The following SPG11 variants were observed in gnomAD, a reference collection of about 807,000 sequenced individuals.
SPG11 encodes SPG11 vesicle trafficking associated, spatacsin, also known as spatacsin.
A neutral mutation model predicts 274.0 loss-of-function variants in SPG11; 222 were observed. That is an observed-to-expected ratio of 0.81 (90% CI 0.73 to 0.91). The LOEUF is 0.91. Ranked by LOEUF, SPG11 falls within the 40% of genes least tolerant of loss-of-function variation. The probability of loss-of-function intolerance (pLI) is 0.00; values close to 1 mark genes in which losing one functional copy is unlikely to be tolerated. For synonymous variants in SPG11, 1,144 were observed against 1,039.7 expected (o/e 1.10, Z -1.93); for missense variants, 3,114 against 2,872.7 (o/e 1.08, Z -1.92).
intron 20 of SPG11, among the ~76,000 whole-genome samples, chr15:44,603,421 C>G (rs532732560): frequency 1.1e-4 from 16 of 152,204 alleles, no homozygotes; most frequent in African/African-American, 3.9e-4. Flanking sequence ...ACATTTTTCC[C>G]TCTACACTAA....
chr15:44,630,467 T>C (rs2084028941), intron 8 of SPG11, among the ~76,000 whole-genome samples: 1 of 152,212 alleles, frequency 6.6e-6, no homozygotes, highest in African/African-American at 2.4e-5. Flanking sequence ...TATCAAAAAC[T>C]AGGCCTTTTT....
intron 12 of SPG11, 137 bp downstream of exon 12, chr15:44,622,591 G>A: frequency 1.2e-6 from 1 of 810,386 alleles, no homozygotes; most frequent in South Asian, 1.5e-5. Flanking sequence ...AAAAGATGAA[G>A]GGGTTGTCAC....
At chr15:44,568,023 GA>G (rs1264886040) in intron 35 of SPG11, among the ~76,000 whole-genome samples, 2 of 152,160 alleles carry the variant, frequency 1.3e-5, no homozygotes. Context: ...GTTGATTTGG[GA>G]AATAGTCATG....
chr15:44,605,990 A>T (rs776123241), intron 20 of SPG11, 35 bp downstream of exon 20: 1 of 1,571,196 alleles, frequency 6.4e-7, no homozygotes, highest in Admixed American at 1.7e-5. Context: ...TAACACTGCT[A>T]AAACATGTCT....
chr15:44,585,981 CTGT>C, intron 28 of SPG11, 131 bp from the exon 29 acceptor site: 4 of 528,168 alleles, frequency 7.6e-6, no homozygotes, highest in Non-Finnish European at 1.2e-5. Flanking sequence ...AAATAAAAAG[CTGT>C]TTTTTTTTTT....
intron 2 of SPG11, 134 bp downstream of exon 2, chr15:44,660,298 G>GCC: frequency 1.4e-6 from 1 of 709,264 alleles, no homozygotes; most frequent in East Asian, 2.6e-5. Context: ...GTGCTCAATA[G>GCC]CCCCATCTGC....
chr15:44,565,083 G>C (rs2082281637), intron 38 of SPG11, among the ~76,000 whole-genome samples: 1 of 152,166 alleles, frequency 6.6e-6, no homozygotes, highest in Non-Finnish European at 1.5e-5. Context: ...AAACTGCTAA[G>C]AATATATTAT....
chr15:44,636,947 A>AC (rs2084287193), intron 7 of SPG11, among the ~76,000 whole-genome samples: 1 of 131,030 alleles, frequency 7.6e-6, no homozygotes, highest in African/African-American at 3.3e-5. Flanking sequence ...AAAAAAAAAA[A>AC]AAAAAAAAAA....
intron 29 of SPG11, among the ~76,000 whole-genome samples, 197 bp downstream of exon 29, chr15:44,585,430 CAAAAAAAAA>C (rs67858533): frequency 5.1e-5 from 5 of 97,294 alleles, no homozygotes; most frequent in Admixed American, 1.3e-4. Flanking sequence ...ACTAAAAATA[CAAAAAAAAA>C]AAAAAAAAAA....
chr15:44,613,393 A>C, intron 17 of SPG11, 37 bp downstream of exon 17: 1 of 1,388,270 alleles, frequency 7.2e-7, no homozygotes, highest in South Asian at 1.2e-5. Flanking sequence ...TGACTGATCC[A>C]AAGCAAGTTT....
chr15:44,562,887 A>G lies in SPG11; in HGVS notation c.*234T>C. 2 of 511,852 alleles carry G rather than the reference A, an allele frequency of 3.9e-6. No individual in the cohort carries two copies. Among genetic ancestry groups the G allele is most frequent in the South Asian group, 2.3e-5 (1 of 44,040 alleles). 31.7% of individuals were successfully genotyped at this position (511,852 alleles called of 1,614,324 possible). A position where few individuals can be genotyped will look rare whatever the true frequency, so the allele number is the denominator to read the frequency against. On this transcript the variant is annotated 3_prime_UTR_variant, in exon 40 of 40. Transcript: ENST00000261866. ...GAGGAAGAGGAAGCTTTTGATCTTA[A>G]TACTAGTATCTATATAAAATGGTGT...
At position 44,648,889 on chromosome 15, in the gene SPG11, A is replaced by G. The variant is rs772262768; in HGVS notation, c.1579T>C (p.Ser527Pro). ...LCHLNGWGRC[S>P]IPIHALEAGI... ...ACCTCTAGTGCATGTATGGGAATTG[A>G]GCACCTTCCCCAGCCATTGAGATGA... The change falls in exon 7 of 40, where the codon TCA (serine) becomes CCA (proline). Residue 527 changes from serine to proline, a missense_variant. Coordinates refer to ENST00000261866, the MANE Select transcript of SPG11 (RefSeq NM_025137.4). The G allele has an allele frequency of 3.1e-6, 5 of 1,614,104 alleles. No homozygotes were observed. The highest frequency in any genetic ancestry group is 1.7e-5 in the Admixed American group (1 of 60,024).
At chr15:44,642,225 T>G (rs2084471038) in intron 7 of SPG11, among the ~76,000 whole-genome samples, 1 of 151,184 alleles carries the variant, frequency 6.6e-6, no homozygotes, top group Admixed American at 6.6e-5. Flanking sequence ...AGTTGCCAGG[T>G]GTGGTGGCAC....
At position 44,606,689 on chromosome 15, in the gene SPG11, G is replaced by GA. The variant is rs374853114; in HGVS notation, c.3454-599dup. On this transcript the variant is annotated intron_variant, in intron 19 of 39. Coordinates refer to ENST00000261866, the MANE Select transcript of SPG11 (RefSeq NM_025137.4). ...TAAACGGATCGTGGGAAAAATACAG[G>GA]AAAAAAACAGAACAAAAAAAGTCAG... 3.3e-5 allele frequency among the ~76,000 whole-genome samples: 5 copies of GA among 151,922 alleles called. No individual in the cohort carries two copies. In the East Asian group the frequency reaches 5.8e-4, roughly 18 times the overall value.
chr15:44,584,490 G>C lies in SPG11; in HGVS notation c.5190C>G (p.Phe1730Leu). 6.2e-7 allele frequency: 1 copy of C among 1,614,084 alleles called. No individual in the cohort carries two copies. ...QWSLKQARID[F>L]WKKCHENFKK... is the part of the protein sequence containing the mutation. ...TAAAATTCTCATGGCATTTTTTCCA[G>C]AAGTCAATTCTTGCTTGTTTTAGTG... Residue 1730 changes from phenylalanine to leucine, a missense_variant, in exon 30 of 40, where the codon TTC becomes TTG. Physicochemically the swap from Phe to Leu is conservative, Grantham distance 22. Coordinates refer to ENST00000261866, the MANE Select transcript of SPG11 (RefSeq NM_025137.4).
intron 4 of SPG11, among the ~76,000 whole-genome samples, chr15:44,653,980 G>A (rs1326538726): frequency 6.6e-6 from 1 of 151,906 alleles, no homozygotes; most frequent in Non-Finnish European, 1.5e-5. Flanking sequence ...TTCAGACAGG[G>A]TCTTGCTCTG....
In SPG11 at chr15:44,663,641, C is replaced by T. The variant is rs1450340724; in HGVS notation, c.7G>A (p.Ala3Thr). 6.3e-7 allele frequency: 1 copy of T among 1,594,164 alleles called. No individual in the cohort carries two copies. The highest frequency in any genetic ancestry group is 8.5e-7 in the Non-Finnish European group (1 of 1,176,232). MA[A>T]EEGVASAASA... Reference sequence around the variant, plus strand: ...GCAGCACTCGCGACCCCTTCCTCTGCAGCCATCTTGGCCCGGCGGTTACTT... The same window carrying T: ...GCAGCACTCGCGACCCCTTCCTCTGTAGCCATCTTGGCCCGGCGGTTACTT... The change falls in exon 1 of 40, where the codon GCA (alanine) becomes ACA (threonine). Residue 3 changes from alanine to threonine, a missense_variant. Physicochemically the swap from Ala to Thr is moderately conservative, Grantham distance 58 (BLOSUM62 0). Transcript: ENST00000261866.
chr15:44,621,883 T>A lies in SPG11; in HGVS notation c.2496A>T (p.Ser832=), dbSNP rs759046866. The A allele has an allele frequency of 1.2e-6, 2 of 1,613,986 alleles. No homozygotes were observed. The highest frequency in any genetic ancestry group is 2.7e-5 in the African/African-American group (2 of 75,036). The change falls in exon 14 of 40, where the codon TCA becomes TCT. Residue 832 remains serine, a synonymous_variant. Coordinates refer to ENST00000261866, the MANE Select transcript of SPG11 (RefSeq NM_025137.4). ...DFFKHKSVLD[S]FLKYDCKDEF... ...CATCTTTACAATCATATTTCAGGAATGAGTCCAAAACAGACTTGTGCTTGA... is the reference window on the plus strand; with the variant it reads ...CATCTTTACAATCATATTTCAGGAAAGAGTCCAAAACAGACTTGTGCTTGA...
intron 30 of SPG11, among the ~76,000 whole-genome samples, chr15:44,579,145 G>A (rs568978194): frequency 2.0e-5 from 3 of 151,860 alleles, no homozygotes; most frequent in Non-Finnish European, 4.4e-5. Flanking sequence ...GTGACAGAGT[G>A]AGACTCCATC....
Sources: gnomAD v4.1 joint callset for allele counts (sites outside exome capture counted in the v4.1 genomes callset) on GRCh38, gnomAD v4.1.1 for gene constraint, MANE v1.5 for transcripts, NCBI Gene and HGNC (gene_info 2026-07-23, HGNC 2026-07-21) for gene names.